The following JADE3 variants were observed in gnomAD, a reference collection of about 807,000 sequenced individuals.
The protein encoded by JADE3 is jade family PHD finger 3.
JADE3 carries 2 observed loss-of-function variants against 50.1 expected under a neutral mutation model. The ratio of observed to expected loss-of-function variants is 0.04; its 90% confidence interval spans 0.02 to 0.13. JADE3 has a LOEUF of 0.13. Among genes scored for constraint, JADE3 ranks in the 10% least tolerant of loss-of-function variants. The pLI, the probability that JADE3 is intolerant of heterozygous loss-of-function variation, is 1.00. For synonymous variants in JADE3, 218 were observed against 232.9 expected, an observed-to-expected ratio of 0.94 and a Z score of 0.58; for missense variants, 475 against 634.4, an observed-to-expected ratio of 0.75 and a Z score of 2.70.
chrX:46,969,084 A>G (rs1009509634), intron 1 of JADE3, among the ~76,000 whole-genome samples: 1 of 112,928 alleles, frequency 8.9e-6, no homozygotes, highest in Admixed American at 9.3e-5. Flanking sequence ...CATATAGAGT[A>G]TATTCTCAGA....
At chrX:46,985,688 AT>A (rs782475147) in intron 2 of JADE3, 24 bp from the exon 3 acceptor site, 6 of 1,032,501 alleles carry the variant, frequency 5.8e-6, no homozygotes, top group Admixed American at 2.2e-5. Flanking sequence ...GTGTCTCAGT[AT>A]TTTTTTCTAA....
chrX:47,019,870 G>A (rs1928757131), intron 4 of JADE3, among the ~76,000 whole-genome samples: 1 of 112,011 alleles, frequency 8.9e-6, no homozygotes, highest in Admixed American at 9.5e-5. Context: ...GAGCAGATGT[G>A]ATTGTGGGTC....
chrX:46,923,526 C>T (rs1378703716), intron 1 of JADE3, among the ~76,000 whole-genome samples: 1 of 104,450 alleles, frequency 9.6e-6, no homozygotes, highest in East Asian at 3.0e-4. Context: ...GTCCTCCAAC[C>T]TCAGCCTCCT....
intron 4 of JADE3, among the ~76,000 whole-genome samples, chrX:47,004,072 TTCA>T (rs1928357099): frequency 9.2e-6 from 1 of 108,202 alleles, no homozygotes; most frequent in Non-Finnish European, 1.9e-5. Context: ...ATTACAAGTG[TTCA>T]TCGCCACGCC....
chrX:46,928,718 G>A (rs896809119), intron 1 of JADE3, among the ~76,000 whole-genome samples: 1 of 111,611 alleles, frequency 9.0e-6, no homozygotes, highest in Non-Finnish European at 1.9e-5. Flanking sequence ...TGAGTAGCTA[G>A]GACTACAGGT....
In JADE3 at chrX:46,996,502, G is replaced by A. The variant is rs782026450; in HGVS notation, c.127-1618G>A. 4.5e-5 allele frequency among the ~76,000 whole-genome samples: 5 copies of A among 112,170 alleles called. No homozygotes were observed. In the South Asian group the frequency reaches 1.9e-3, roughly 42 times the overall value. On this transcript the variant is annotated intron_variant, in intron 3 of 10. Coordinates refer to ENST00000614628, the MANE Select transcript of JADE3 (RefSeq NM_014735.5). ...TAAACGAGGTAGCTTAAAACAGTAG[G>A]AATTTATTCTTTCACAGTATGAAGG...
chrX:47,002,170 G>C (rs187850015), intron 4 of JADE3, among the ~76,000 whole-genome samples: 2 of 110,403 alleles, frequency 1.8e-5, no homozygotes, highest in Middle Eastern at 4.7e-3. Flanking sequence ...ATGTCATGCT[G>C]TGAACTTTTC....
intron 1 of JADE3, among the ~76,000 whole-genome samples, chrX:46,973,377 A>G (rs781908431): frequency 1.8e-5 from 2 of 112,661 alleles, no homozygotes; most frequent in East Asian, 2.8e-4. Flanking sequence ...ATTTTAAAAA[A>G]TAAGCTTTGA....
At chrX:46,978,293 A>G (rs782173257) in intron 1 of JADE3, among the ~76,000 whole-genome samples, 7 of 112,378 alleles carry the variant, frequency 6.2e-5, no homozygotes, top group African/African-American at 2.3e-4. Flanking sequence ...GTCCTGTGCC[A>G]CATGCAGGCT....
chrX:46,958,150 C>A (rs1326769760), intron 1 of JADE3, among the ~76,000 whole-genome samples: 1 of 111,620 alleles, frequency 9.0e-6, no homozygotes, highest in Non-Finnish European at 1.9e-5. Flanking sequence ...ACATGGTTGT[C>A]CAGTTGTTGT....
intron 1 of JADE3, among the ~76,000 whole-genome samples, chrX:46,922,188 C>T (rs782804355): frequency 2.7e-5 from 3 of 110,540 alleles, no homozygotes; most frequent in Admixed American, 9.7e-5. Flanking sequence ...TGTCTGTTCC[C>T]GCGTTAGTTT....
At chrX:47,031,915 G>A (rs964636289) in intron 6 of JADE3, among the ~76,000 whole-genome samples, 7 of 111,259 alleles carry the variant, frequency 6.3e-5, no homozygotes, top group African/African-American at 2.3e-4. Context: ...CTATGTACTT[G>A]GTGAGGGAAA....
At chrX:46,959,718 G>A (rs1414688044) in intron 1 of JADE3, among the ~76,000 whole-genome samples, 2 of 110,033 alleles carry the variant, frequency 1.8e-5, no homozygotes, top group Non-Finnish European at 3.8e-5. Context: ...CAGAGTAGGG[G>A]GTAGGATAGT....
intron 1 of JADE3, among the ~76,000 whole-genome samples, chrX:46,934,458 C>A (rs1926569138): frequency 9.0e-6 from 1 of 111,720 alleles, no homozygotes; most frequent in Admixed American, 9.5e-5. Context: ...GCCACCACGC[C>A]TGGCTAATTT....
chrX:47,047,975 C>T (rs1205261530), intron 8 of JADE3, among the ~76,000 whole-genome samples: 2 of 111,848 alleles, frequency 1.8e-5, no homozygotes, highest in African/African-American at 6.5e-5. Flanking sequence ...TTACCCCTGC[C>T]AGTGGAGTGG....
At chrX:46,972,725 G>A (rs782612242) in intron 1 of JADE3, among the ~76,000 whole-genome samples, 1 of 111,073 alleles carries the variant, frequency 9.0e-6, no homozygotes, top group Non-Finnish European at 1.9e-5. Flanking sequence ...TCAGCCTCCC[G>A]AGCAGCTGGG....
intron 1 of JADE3, among the ~76,000 whole-genome samples, chrX:46,966,593 A>G (rs1927373559): frequency 8.9e-6 from 1 of 111,868 alleles, no homozygotes; most frequent in Admixed American, 9.6e-5. Context: ...TGTCAAATGC[A>G]GCATACAGAT....
intron 1 of JADE3, among the ~76,000 whole-genome samples, chrX:46,959,133 G>A (rs782336879): frequency 8.9e-6 from 1 of 112,176 alleles, no homozygotes; most frequent in Admixed American, 9.4e-5. Flanking sequence ...ACAGAAAGAG[G>A]GTTTACTGGT....
intron 1 of JADE3, among the ~76,000 whole-genome samples, chrX:46,954,455 A>G (rs1556345923): frequency 1.8e-5 from 2 of 112,376 alleles, no homozygotes; most frequent in Admixed American, 1.9e-4. Context: ...GAAGGAAGGA[A>G]ATCCTAAACG....
Sources: gnomAD v4.1 joint callset for allele counts (sites outside exome capture counted in the v4.1 genomes callset) on GRCh38, gnomAD v4.1.1 for gene constraint, MANE v1.5 for transcripts, NCBI Gene and HGNC (gene_info 2026-07-23, HGNC 2026-07-21) for gene names.